WARS2: variants seen among roughly 807,000 people sequenced by gnomAD.
The protein encoded by WARS2 is tryptophanyl tRNA synthetase 2, mitochondrial, also known as tryptophan--tRNA ligase, mitochondrial.
WARS2 carries 28 observed loss-of-function variants against 36.5 expected under a neutral mutation model. The ratio of observed to expected loss-of-function variants is 0.77; its 90% CI spans 0.57 to 1.05. WARS2 has a LOEUF of 1.05. WARS2 is among the 50% of genes least tolerant of loss of function. WARS2 has a pLI of 0.00. For synonymous variants in WARS2, 174 were observed against 178.4 expected (o/e 0.98, Z 0.20); for missense variants, 435 against 456.8 (o/e 0.95, Z 0.44).
At chr1:119,081,143 T>C (rs1344283655) in intron 1 of WARS2, among the ~76,000 whole-genome samples, 1 of 152,228 alleles carries the variant, frequency 6.6e-6, no homozygotes, top group African/African-American at 2.4e-5. Flanking sequence ...AGGTAGAGCA[T>C]ACTTATCATT....
At chr1:119,092,665 T>C (rs1401286474) in intron 1 of WARS2, among the ~76,000 whole-genome samples, 1 of 152,188 alleles carries the variant, frequency 6.6e-6, no homozygotes, top group African/African-American at 2.4e-5. Context: ...CCTCCTCCAA[T>C]TACTAGCTAT....
At chr1:119,043,653 C>T (rs78527560) in intron 3 of WARS2, among the ~76,000 whole-genome samples, 14,106 of 152,182 alleles carry the variant, frequency 0.093, 920 homozygotes, top group Non-Finnish European at 0.13. Flanking sequence ...CAATTATCAC[C>T]AGGTAAAGAT....
At chr1:119,093,184 T>C (rs587638378) in intron 1 of WARS2, among the ~76,000 whole-genome samples, 64 of 152,264 alleles carry the variant, frequency 4.2e-4, no homozygotes, top group African/African-American at 1.5e-3. Flanking sequence ...ATGAGAAATA[T>C]AGGGTTCAAG....
intron 2 of WARS2, among the ~76,000 whole-genome samples, chr1:119,050,573 A>T (rs1649256841): frequency 6.6e-6 from 1 of 152,220 alleles, no homozygotes; most frequent in Non-Finnish European, 1.5e-5. Flanking sequence ...AACATTAGAC[A>T]TTTATAGACA....
At chr1:119,068,190 G>A (rs563080869) in intron 2 of WARS2, among the ~76,000 whole-genome samples, 17 of 152,176 alleles carry the variant, frequency 1.1e-4, no homozygotes, top group African/African-American at 2.9e-4. Flanking sequence ...TGTTGGTAGC[G>A]AACAACTTTG....
intron 1 of WARS2, among the ~76,000 whole-genome samples, chr1:119,126,368 C>A (rs1266442796): frequency 1.3e-5 from 2 of 152,002 alleles, no homozygotes; most frequent in South Asian, 4.1e-4. Flanking sequence ...TTATAAAACC[C>A]TTTTTAAAAA....
chr1:119,112,432 G>T (rs1557988408), intron 1 of WARS2, among the ~76,000 whole-genome samples: 1 of 152,150 alleles, frequency 6.6e-6, no homozygotes, highest in Non-Finnish European at 1.5e-5. Flanking sequence ...AGCAGAGAGG[G>T]AGACATTTAT....
intron 4 of WARS2, among the ~76,000 whole-genome samples, chr1:119,037,966 T>C (rs777883535): frequency 2.0e-5 from 3 of 152,260 alleles, no homozygotes; most frequent in Non-Finnish European, 2.9e-5. Flanking sequence ...ATTCTCTGTA[T>C]TTTAATCAAT....
chr1:119,033,965 CTAGT>C (rs1207153776), intron 5 of WARS2, 126 bp downstream of exon 5: 2 of 679,164 alleles, frequency 2.9e-6, no homozygotes, highest in Non-Finnish European at 5.0e-6. Context: ...AATGAGGACT[CTAGT>C]TACAGATCCT....
intron 1 of WARS2, among the ~76,000 whole-genome samples, chr1:119,115,110 C>A (rs1193071351): frequency 6.6e-6 from 1 of 152,140 alleles, no homozygotes; most frequent in African/African-American, 2.4e-5. Flanking sequence ...ACACTTAATA[C>A]AATTTTAAAT....
chr1:119,041,400 G>C (rs550516965), intron 4 of WARS2, among the ~76,000 whole-genome samples: 1 of 152,276 alleles, frequency 6.6e-6, no homozygotes, highest in South Asian at 2.1e-4. Flanking sequence ...GTAGTACAGC[G>C]AGTGCAGGGA....
At chr1:119,063,516 C>A (rs956558129) in intron 2 of WARS2, 5 of 152,146 alleles carry the variant, frequency 3.3e-5, no homozygotes, top group African/African-American at 1.2e-4. Context: ...ATGTCAGAGA[C>A]CTTCACAGCA....
intron 1 of WARS2, among the ~76,000 whole-genome samples, chr1:119,137,012 G>A (rs1656555074): frequency 6.6e-6 from 1 of 152,156 alleles, no homozygotes; most frequent in South Asian, 2.1e-4. Flanking sequence ...AAAGTGCCAA[G>A]GTCATGAAGG....
intron 2 of WARS2, among the ~76,000 whole-genome samples, chr1:119,067,608 G>A (rs1213632319): frequency 6.6e-6 from 1 of 152,160 alleles, no homozygotes; most frequent in Non-Finnish European, 1.5e-5. Context: ...ATATCAAGGA[G>A]CCTAGGGTGG....
At chr1:119,068,386 C>T (rs1003308253) in intron 2 of WARS2, among the ~76,000 whole-genome samples, 2 of 152,148 alleles carry the variant, frequency 1.3e-5, no homozygotes, top group Non-Finnish European at 2.9e-5. Flanking sequence ...CTTTGGCTGT[C>T]ATTCAGAAAC....
At chr1:119,060,349 C>G (rs1011229080) in intron 2 of WARS2, among the ~76,000 whole-genome samples, 1 of 152,208 alleles carries the variant, frequency 6.6e-6, no homozygotes, top group African/African-American at 2.4e-5. Flanking sequence ...TGGCTGCCTT[C>G]ATGCTATAAC....
intron 1 of WARS2, among the ~76,000 whole-genome samples, chr1:119,128,182 A>C (rs1961942): frequency 0.52 from 78,457 of 151,752 alleles, 21,207 homozygotes; most frequent in East Asian, 0.84. Context: ...TCAAGCTATT[A>C]TCCTACCTCA....
In WARS2 at chr1:119,076,539, C is replaced by T. The variant is rs1428905777; in HGVS notation, c.159G>A (p.Leu53=). The stretch of plus-strand genomic sequence containing the variant: ...ACCTCACCCAGCTCTCAATGGCTCC[C>T]AGGTAATTGCCCAGGTGGAGGATTC... ...PTGILHLGNY[L]GAIESWVRLQ... The change falls in exon 2 of 6, where the codon CTG becomes CTA. Residue 53 remains leucine (L), a synonymous_variant. Coordinates refer to ENST00000235521, the MANE Select transcript of WARS2 (RefSeq NM_015836.4). 1 of 1,614,158 alleles carries T rather than the reference C, an allele frequency of 6.2e-7. No homozygotes were observed. The highest frequency in any genetic ancestry group is 2.2e-5 in the East Asian group (1 of 44,868).
intron 1 of WARS2, among the ~76,000 whole-genome samples, chr1:119,097,662 C>T (rs777217833): frequency 6.6e-6 from 1 of 152,218 alleles, no homozygotes; most frequent in East Asian, 1.9e-4. Flanking sequence ...CATAGTTGTA[C>T]TGTAACTTAC....
Sources: gnomAD v4.1 joint callset for allele counts (sites outside exome capture counted in the v4.1 genomes callset) on GRCh38, gnomAD v4.1.1 for gene constraint, MANE v1.5 for transcripts, NCBI Gene and HGNC (gene_info 2026-07-23, HGNC 2026-07-21) for gene names.